The following C12orf56 variants were observed in gnomAD, a reference collection of about 807,000 sequenced individuals.
The protein encoded by C12orf56 is uncharacterized protein C12orf56.
In C12orf56, 71 loss-of-function variants were observed where a neutral mutation model predicts 69.9. That is an observed-to-expected ratio of 1.02 (90% CI 0.84 to 1.24). The LOEUF is 1.24. C12orf56 is among the 50% of genes most tolerant of loss of function. C12orf56 has a pLI of 0.00. For missense variants in C12orf56, 732 were observed against 738.5 expected (o/e 0.99, Z 0.10); for synonymous variants, 276 against 274.1 (o/e 1.01, Z -0.07).
chr12:64,286,092 A>G, intron 6 of C12orf56, 32 bp from the exon 7 acceptor site: 1 of 1,354,574 alleles, frequency 7.4e-7, no homozygotes, highest in Non-Finnish European at 1.0e-6. Flanking sequence ...AAAGACAGTA[A>G]TTAAGGTATC....
chr12:64,322,445 C>T (rs898676575), intron 3 of C12orf56, among the ~76,000 whole-genome samples: 4 of 150,990 alleles, frequency 2.6e-5, no homozygotes, highest in Admixed American at 2.6e-4. Flanking sequence ...CTATTTCTTG[C>T]TGAGACTTTC....
chr12:64,321,142 C>T (rs2038767306), intron 3 of C12orf56, among the ~76,000 whole-genome samples: 1 of 152,188 alleles, frequency 6.6e-6, no homozygotes, highest in Non-Finnish European at 1.5e-5. Flanking sequence ...GTACCCATCT[C>T]ATAAGGTTTA....
chr12:64,342,461 A>C (rs935437716), intron 2 of C12orf56, among the ~76,000 whole-genome samples: 1 of 152,116 alleles, frequency 6.6e-6, no homozygotes, highest in Admixed American at 6.5e-5. Flanking sequence ...TCCTCTGTCA[A>C]CTGATCATAG....
intron 1 of C12orf56, among the ~76,000 whole-genome samples, chr12:64,384,152 G>T (rs999788247): frequency 6.6e-6 from 1 of 152,166 alleles, no homozygotes; most frequent in Non-Finnish European, 1.5e-5. Context: ...GCAGAGAGAA[G>T]CTAAGCAGTT....
chr12:64,358,122 A>G (rs532645998), intron 1 of C12orf56, among the ~76,000 whole-genome samples: 2 of 152,232 alleles, frequency 1.3e-5, no homozygotes, highest in African/African-American at 4.8e-5. Flanking sequence ...CAAAAGTACT[A>G]TGATTTCTCA....
chr12:64,337,685 C>A (rs1484930281), intron 2 of C12orf56, among the ~76,000 whole-genome samples: 1 of 151,944 alleles, frequency 6.6e-6, no homozygotes. Context: ...GGCAAAAACC[C>A]AACTCTACTA....
At chr12:64,353,123 AT>A in intron 1 of C12orf56, 67 bp from the exon 2 acceptor site, 1 of 1,499,266 alleles carries the variant, frequency 6.7e-7, no homozygotes, top group Non-Finnish European at 9.1e-7. Context: ...GGTATAATAA[AT>A]CCCCCAAAGC....
chr12:64,277,945 T>C (rs2038075241), intron 8 of C12orf56, 142 bp from the exon 9 acceptor site: 1 of 509,016 alleles, frequency 2.0e-6, no homozygotes, highest in Admixed American at 4.0e-5. Flanking sequence ...TTTGGATCCT[T>C]GGACACGCAA....
At chr12:64,376,703 C>T (rs544400085) in intron 1 of C12orf56, among the ~76,000 whole-genome samples, 1 of 148,510 alleles carries the variant, frequency 6.7e-6, no homozygotes, top group South Asian at 2.2e-4. Context: ...TAAGTGAGAA[C>T]ATGTGGTATT....
chr12:64,364,564 A>G lies in C12orf56; in HGVS notation c.253-11508T>C, dbSNP rs527642144. On this transcript the variant is annotated intron_variant, in intron 1 of 12. Transcript: ENST00000543942. ...AAGGTGAGCTTCCCTGGTTGGCAACACTTTGTACATGTTGTCGCATGTTGC... is the reference window on the plus strand; with the variant it reads ...AAGGTGAGCTTCCCTGGTTGGCAACGCTTTGTACATGTTGTCGCATGTTGC... Among the ~76,000 whole-genome samples the G allele has an allele frequency of 2.0e-4, 31 of 152,162 alleles. No individual in the cohort carries two copies. The South Asian group carries it at 6.2e-3, about 31-fold the overall frequency.
intron 2 of C12orf56, among the ~76,000 whole-genome samples, chr12:64,342,394 C>T (rs577500982): frequency 2.4e-4 from 36 of 152,332 alleles, no homozygotes; most frequent in Non-Finnish European, 1.9e-4. Flanking sequence ...TGTCCACTTT[C>T]GGGTGGTGCC....
chr12:64,278,604 G>T (rs896629345), intron 8 of C12orf56, among the ~76,000 whole-genome samples: 12 of 152,050 alleles, frequency 7.9e-5, no homozygotes, highest in Admixed American at 5.9e-4. Flanking sequence ...TTTATATAGT[G>T]AGAACACAAA....
chr12:64,322,970 A>G (rs1011421332), intron 3 of C12orf56, among the ~76,000 whole-genome samples: 3 of 152,166 alleles, frequency 2.0e-5, no homozygotes, highest in African/African-American at 7.2e-5. Flanking sequence ...GCTGTGGTGA[A>G]TATTTTTCAG....
At chr12:64,305,327 A>C (rs944226749) in intron 5 of C12orf56, among the ~76,000 whole-genome samples, 2 of 152,122 alleles carry the variant, frequency 1.3e-5, no homozygotes, top group Non-Finnish European at 2.9e-5. Context: ...CAATTTCCTC[A>C]TGTGTAAAAT....
chr12:64,328,707 ATATATATATATATAT>A (rs368057159), intron 3 of C12orf56, among the ~76,000 whole-genome samples: 1 of 5,614 alleles, frequency 1.8e-4, no homozygotes, highest in Non-Finnish European at 3.1e-4. Context: ...AAAAAAAAAA[ATATATATATATATAT>A]ATATATATAT....
chr12:64,329,916 C>T (rs891009718), intron 3 of C12orf56, among the ~76,000 whole-genome samples: 4 of 151,672 alleles, frequency 2.6e-5, no homozygotes, highest in Non-Finnish European at 4.4e-5. Flanking sequence ...TTTCTTAATC[C>T]AGTCTATCAT....
At chr12:64,336,680 T>C (rs968046341) in intron 2 of C12orf56, among the ~76,000 whole-genome samples, 3 of 152,084 alleles carry the variant, frequency 2.0e-5, no homozygotes, top group African/African-American at 7.2e-5. Context: ...TCCATGAAAG[T>C]GTAAAAGCAC....
At chr12:64,347,625 G>T (rs1173160772) in intron 2 of C12orf56, among the ~76,000 whole-genome samples, 1 of 152,052 alleles carries the variant, frequency 6.6e-6, no homozygotes, top group Non-Finnish European at 1.5e-5. Context: ...CCCCCAGGAT[G>T]GATCTTCTTC....
chr12:64,344,127 A>C (rs12302511), intron 2 of C12orf56, among the ~76,000 whole-genome samples: 1 of 151,958 alleles, frequency 6.6e-6, no homozygotes, highest in Non-Finnish European at 1.5e-5. Context: ...TCCCCTAAAC[A>C]TCTGATCATT....
Sources: gnomAD v4.1 joint callset for allele counts (sites outside exome capture counted in the v4.1 genomes callset) on GRCh38, gnomAD v4.1.1 for gene constraint, MANE v1.5 for transcripts, NCBI Gene and HGNC (gene_info 2026-07-23, HGNC 2026-07-21) for gene names.